Variants in DIS3L2 observed in about 807,000 individuals in gnomAD.
DIS3L2 encodes DIS3 like 3'-5' exoribonuclease 2.
Under a neutral mutation model 97.5 loss-of-function variants are expected in DIS3L2, and 34 were observed. The observed-to-expected ratio is 0.35, with a 90% CI of 0.27 to 0.46. The LOEUF (loss-of-function observed/expected upper bound fraction) is 0.46, where lower values mean the gene tolerates loss of function less well. Among genes scored for constraint, DIS3L2 ranks in the 20% least tolerant of loss-of-function variants. DIS3L2 has a pLI of 1.00. For missense variants in DIS3L2, 1,038 were observed against 1,146.0 expected (o/e 0.91, Z 1.36); for synonymous variants, 435 against 445.2 (o/e 0.98, Z 0.29).
intron 6 of DIS3L2, among the ~76,000 whole-genome samples, chr2:232,089,506 C>G (rs1476793169): frequency 1.3e-5 from 2 of 152,154 alleles, no homozygotes; most frequent in Non-Finnish European, 2.9e-5. Context: ...CACATCAGTA[C>G]TATGAGTCAT....
At chr2:232,103,952 T>C (rs923048402) in intron 6 of DIS3L2, among the ~76,000 whole-genome samples, 4 of 152,194 alleles carry the variant, frequency 2.6e-5, no homozygotes, top group Admixed American at 2.6e-4. Flanking sequence ...TTTTCAGTTG[T>C]TTAGTTTCAT....
At chr2:231,995,170 A>AT (rs1167519998) in intron 1 of DIS3L2, among the ~76,000 whole-genome samples, 1 of 151,322 alleles carries the variant, frequency 6.6e-6, no homozygotes, top group African/African-American at 2.4e-5. Flanking sequence ...ACATTTTGCT[A>AT]TTTTTTCTTT....
Position 232,004,666 on chromosome 2 carries a change from C to T in DIS3L2, c.-93-10169C>T, listed in dbSNP as rs138874151. 2.6e-5 allele frequency among the ~76,000 whole-genome samples: 4 copies of T among 151,964 alleles called. No individual in the cohort carries two copies. The East Asian group carries it at 7.7e-4, about 29-fold the overall frequency. ...CGTGTTCTTGGCTCAGTGCAACCTC[C>T]ACCTCCTGGAACTCAAGTGATCTGT... On this transcript the variant is annotated intron_variant, in intron 1 of 20. Coordinates refer to ENST00000325385, the MANE Select transcript of DIS3L2 (RefSeq NM_152383.5).
At chr2:232,024,844 C>G (rs1233520988) in intron 4 of DIS3L2, among the ~76,000 whole-genome samples, 1 of 151,866 alleles carries the variant, frequency 6.6e-6, no homozygotes, top group African/African-American at 2.4e-5. Flanking sequence ...GTCTTTAGAC[C>G]CTTTCTTACA....
At chr2:232,295,451 G>A (rs750327128) in intron 13 of DIS3L2, among the ~76,000 whole-genome samples, 2 of 152,152 alleles carry the variant, frequency 1.3e-5, no homozygotes, top group African/African-American at 2.4e-5. Flanking sequence ...TTCCACTTTT[G>A]TGTTGGATCC....
intron 5 of DIS3L2, among the ~76,000 whole-genome samples, chr2:232,086,792 G>A (rs181890632): frequency 6.7e-6 from 1 of 149,578 alleles, no homozygotes; most frequent in Non-Finnish European, 1.5e-5. Context: ...CCATTCTCCT[G>A]CCTCAGCCTC....
Position 232,188,978 on chromosome 2 carries a change from C to T in DIS3L2, c.1125-21348C>T, listed in dbSNP as rs76725915. On this transcript the variant is annotated intron_variant, in intron 9 of 20. Coordinates refer to ENST00000325385, the MANE Select transcript of DIS3L2 (RefSeq NM_152383.5). ...GCAAATTAAAAAATGTTTAACATCA[C>T]GACCCATTCGAGAATGCAAATTAAA... 2.8e-3 allele frequency among the ~76,000 whole-genome samples: 433 copies of T among 152,226 alleles called. 1 individual carries two copies. The highest frequency in any genetic ancestry group is 4.7e-3 in the Non-Finnish European group (322 of 68,006).
At chr2:232,225,869 C>T (rs1043058064) in intron 10 of DIS3L2, among the ~76,000 whole-genome samples, 6 of 151,998 alleles carry the variant, frequency 3.9e-5, no homozygotes, top group East Asian at 1.9e-4. Flanking sequence ...ACAAAGTACA[C>T]GATACAACAG....
At chr2:232,147,422 T>A (rs1278834733) in intron 8 of DIS3L2, among the ~76,000 whole-genome samples, 2 of 152,242 alleles carry the variant, frequency 1.3e-5, no homozygotes, top group East Asian at 3.8e-4. Flanking sequence ...GTCCGTACTT[T>A]CTTCAAACTT....
At chr2:232,298,676 C>G (rs1210928087) in intron 13 of DIS3L2, among the ~76,000 whole-genome samples, 1 of 151,968 alleles carries the variant, frequency 6.6e-6, no homozygotes, top group African/African-American at 2.4e-5. Context: ...TGTTCGCAGC[C>G]TTGTAGTTAA....
intron 20 of DIS3L2, chr2:232,336,178 A>G: frequency 6.5e-7 from 1 of 1,532,208 alleles, no homozygotes; most frequent in Non-Finnish European, 8.8e-7. Context: ...ATGAGTTTAC[A>G]CCCAAGAAAT....
chr2:232,285,124 T>G (rs1292107891), intron 13 of DIS3L2, among the ~76,000 whole-genome samples: 1 of 152,204 alleles, frequency 6.6e-6, no homozygotes, highest in East Asian at 1.9e-4. Flanking sequence ...TTTTTTTTCT[T>G]TATTTCTGTT....
intron 12 of DIS3L2, among the ~76,000 whole-genome samples, chr2:232,250,119 A>AT (rs1159185740): frequency 7.9e-5 from 12 of 152,324 alleles, no homozygotes; most frequent in African/African-American, 2.9e-4. Flanking sequence ...TAGGGTCGTG[A>AT]TTAAGTAAGC....
At chr2:232,088,043 A>G (rs865880637) in intron 6 of DIS3L2, among the ~76,000 whole-genome samples, 1 of 152,256 alleles carries the variant, frequency 6.6e-6, no homozygotes, top group South Asian at 2.1e-4. Context: ...TTAAACTGGT[A>G]TGTAAAATTC....
intron 3 of DIS3L2, among the ~76,000 whole-genome samples, chr2:232,023,778 A>G (rs951801009): frequency 6.6e-6 from 1 of 152,190 alleles, no homozygotes; most frequent in African/African-American, 2.4e-5. Flanking sequence ...GGGCCAGAGT[A>G]AAAAATAATG....
chr2:232,061,689 A>G (rs1243281642), intron 5 of DIS3L2, among the ~76,000 whole-genome samples: 1 of 152,202 alleles, frequency 6.6e-6, no homozygotes, highest in Non-Finnish European at 1.5e-5. Context: ...CTTCTGACCC[A>G]TGGAAGTGCA....
chr2:232,098,623 G>A (rs1360451532), intron 6 of DIS3L2, among the ~76,000 whole-genome samples: 3 of 151,982 alleles, frequency 2.0e-5, no homozygotes, highest in East Asian at 3.9e-4. Flanking sequence ...CAAAGTGCTG[G>A]GATTACAGGT....
rs191060290 is a variant in DIS3L2, at chr2:232,102,011, A to T, written c.601+14290A>T. On this transcript the variant is annotated intron_variant, in intron 6 of 20. Coordinates refer to ENST00000325385, the MANE Select transcript of DIS3L2 (RefSeq NM_152383.5). ...GGCAGAATGTCCTTTTATAGTGGAC[A>T]TATTTGGTGGTCACCAGTTTAACCA... 2.3e-3 allele frequency among the ~76,000 whole-genome samples: 345 copies of T among 152,360 alleles called. 2 individuals are homozygous for T. Among genetic ancestry groups the T allele is most frequent in the African/African-American group, 8.1e-3 (338 of 41,584 alleles).
At chr2:232,215,461 A>G (rs893421094) in intron 10 of DIS3L2, among the ~76,000 whole-genome samples, 10 of 152,212 alleles carry the variant, frequency 6.6e-5, no homozygotes, top group African/African-American at 2.4e-4. Flanking sequence ...ACTGTGCTCA[A>G]GGAAGCACCA....
Sources: allele counts gnomAD v4.1 joint callset (sites outside exome capture counted in the v4.1 genomes callset), GRCh38; gene constraint gnomAD v4.1.1; transcripts MANE v1.5; gene names NCBI Gene and HGNC (gene_info 2026-07-23, HGNC 2026-07-21).